The following SMAP1 variants were observed in gnomAD, a reference collection of about 807,000 sequenced individuals.
SMAP1 encodes the protein small ArfGAP 1, also known as stromal membrane-associated protein 1.
In SMAP1, 24 loss-of-function variants were observed where a neutral mutation model predicts 58.5. That is an observed-to-expected ratio of 0.41 (90% CI 0.30 to 0.58). SMAP1 has a LOEUF of 0.58. Among genes scored for constraint, SMAP1 ranks in the 20% least tolerant of loss-of-function variants. SMAP1 has a pLI of 0.29. For synonymous variants in SMAP1, 216 were observed against 196.6 expected (o/e 1.10, Z -0.82); for missense variants, 563 against 566.3 (o/e 0.99, Z 0.06).
At chr6:70,717,218 G>T (rs921793943) in intron 1 of SMAP1, among the ~76,000 whole-genome samples, 2 of 152,192 alleles carry the variant, frequency 1.3e-5, no homozygotes, top group African/African-American at 4.8e-5. Context: ...GAAGCTGAGA[G>T]CCAGAGCTTA....
chr6:70,792,745 G>GCTC (rs1247370194), intron 5 of SMAP1, among the ~76,000 whole-genome samples: 1 of 152,040 alleles, frequency 6.6e-6, no homozygotes, highest in Non-Finnish European at 1.5e-5. Flanking sequence ...GAACGGCAAG[G>GCTC]CTCCTATCTT....
chr6:70,837,427 A>T (rs907363509), intron 7 of SMAP1, among the ~76,000 whole-genome samples: 3 of 152,114 alleles, frequency 2.0e-5, no homozygotes, highest in Non-Finnish European at 4.4e-5. Context: ...ATTGTAAAAT[A>T]CGTTGGTTTA....
intron 1 of SMAP1, among the ~76,000 whole-genome samples, chr6:70,723,698 C>G (rs1370379971): frequency 6.6e-6 from 1 of 152,098 alleles, no homozygotes; most frequent in Admixed American, 6.5e-5. Context: ...CTACTATATC[C>G]CCAGAGCCCT....
chr6:70,777,232 C>G (rs1427034132), intron 4 of SMAP1, among the ~76,000 whole-genome samples: 4 of 152,122 alleles, frequency 2.6e-5, no homozygotes, highest in Non-Finnish European at 5.9e-5. Flanking sequence ...CTGTCTGGCA[C>G]TCCCTAGTGA....
At chr6:70,759,701 T>C (rs1582128849) in intron 3 of SMAP1, 1 of 264,168 alleles carries the variant, frequency 3.8e-6, no homozygotes, top group East Asian at 8.5e-5. Context: ...ATTGCATTAT[T>C]AGTTCTGTTA....
chr6:70,694,683 C>T (rs947513527), intron 1 of SMAP1: 2 of 152,358 alleles, frequency 1.3e-5, no homozygotes, highest in African/African-American at 4.8e-5. Context: ...CACAAGCTGC[C>T]ATAGAGAATT....
At chr6:70,668,948 A>G (rs1186131950) in intron 1 of SMAP1, among the ~76,000 whole-genome samples, 1 of 152,154 alleles carries the variant, frequency 6.6e-6, no homozygotes, top group African/African-American at 2.4e-5. Flanking sequence ...CTGAAGGTTC[A>G]TTTTAAAGAT....
At chr6:70,729,527 C>T (rs1488592960) in intron 1 of SMAP1, among the ~76,000 whole-genome samples, 1 of 143,028 alleles carries the variant, frequency 7.0e-6, no homozygotes, top group Non-Finnish European at 1.5e-5. Context: ...AACTTTAGTC[C>T]TATATTCTAA....
chr6:70,675,153 A>G (rs999041024), intron 1 of SMAP1, among the ~76,000 whole-genome samples: 4 of 150,774 alleles, frequency 2.7e-5, no homozygotes, highest in African/African-American at 9.7e-5. Context: ...AAAAAAAAAA[A>G]AAAGCAAATA....
intron 1 of SMAP1, among the ~76,000 whole-genome samples, chr6:70,721,264 TCCG>T (rs936132988): frequency 1.6e-4 from 24 of 152,202 alleles, no homozygotes; most frequent in Non-Finnish European, 2.8e-4. Context: ...AGAAATTTTT[TCCG>T]CCAGATACCC....
chr6:70,735,378 G>C (rs1765580527), intron 2 of SMAP1, among the ~76,000 whole-genome samples: 1 of 152,194 alleles, frequency 6.6e-6, no homozygotes, highest in Non-Finnish European at 1.5e-5. Context: ...TTTGGAGGCT[G>C]TTCCTATTAA....
At chr6:70,704,543 G>T (rs1767761644) in intron 1 of SMAP1, among the ~76,000 whole-genome samples, 1 of 151,986 alleles carries the variant, frequency 6.6e-6, no homozygotes, top group African/African-American at 2.4e-5. Context: ...TTCATAGAAT[G>T]GTGAAAACAT....
intron 7 of SMAP1, among the ~76,000 whole-genome samples, chr6:70,846,992 G>T (rs730649): frequency 0.024 from 3,580 of 152,236 alleles, 52 homozygotes; most frequent in Non-Finnish European, 0.037. Flanking sequence ...AATATTAGTG[G>T]TTAAACTTGT....
chr6:70,859,380 T>C (rs1296751715), intron 10 of SMAP1: 4 of 1,549,558 alleles, frequency 2.6e-6, no homozygotes, highest in African/African-American at 2.7e-5. Flanking sequence ...TGCAATCTAC[T>C]GGCCAATGAC....
At chr6:70,812,043 G>A (rs571595340) in intron 6 of SMAP1, among the ~76,000 whole-genome samples, 1 of 152,292 alleles carries the variant, frequency 6.6e-6, no homozygotes, top group East Asian at 1.9e-4. Context: ...ACTCAGAACC[G>A]TGTGTAATTT....
At position 70,668,254 on chromosome 6, in the gene SMAP1, T is replaced by G. The variant is rs1766114577; in HGVS notation, c.118+113T>G. On this transcript the variant is annotated intron_variant, in intron 1 of 10. Transcript: ENST00000370455. ...CGCCTCGGCTTCGCTGGCCGGCTCC[T>G]GCCCTGACTGGAGGGCGGGTGGCTG... 1.7e-5 allele frequency: 17 copies of G among 980,054 alleles called. No individual in the cohort carries two copies. In the South Asian group the frequency reaches 2.8e-4, roughly 16 times the overall value. 60.7% of individuals were successfully genotyped at this position (980,054 alleles called of 1,614,324 possible). A position where few individuals can be genotyped will look rare whatever the true frequency, so the allele number is the denominator to read the frequency against.
chr6:70,805,220 A>G (rs928887060), intron 6 of SMAP1, among the ~76,000 whole-genome samples: 1 of 151,428 alleles, frequency 6.6e-6, no homozygotes, highest in African/African-American at 2.4e-5. Flanking sequence ...TTTTTCTCTA[A>G]TCTTGTCTTC....
intron 10 of SMAP1, 151 bp downstream of exon 10, chr6:70,858,380 T>A: frequency 1.6e-6 from 1 of 625,738 alleles, no homozygotes; most frequent in Non-Finnish European, 2.5e-6. Flanking sequence ...AAAGTATCTA[T>A]AAATATTATG....
Position 70,702,163 on chromosome 6 carries a change from C to T in SMAP1, c.119-30215C>T, listed in dbSNP as rs77509648. Among the ~76,000 whole-genome samples, 1,566 of 152,090 alleles carry T rather than the reference C, an allele frequency of 0.01. 105 individuals are homozygous for T. In the East Asian group the frequency reaches 0.16, roughly 15 times the overall value. On this transcript the variant is annotated intron_variant, in intron 1 of 10. Coordinates refer to ENST00000370455, the MANE Select transcript of SMAP1 (RefSeq NM_001044305.3). ...TTTTCTGTTTATCCTTAGTTTTAAT[C>T]AGTTTGATTATGAATTGTCTTTTGG...
Sources: gnomAD v4.1 joint callset for allele counts (sites outside exome capture counted in the v4.1 genomes callset) on GRCh38, gnomAD v4.1.1 for gene constraint, MANE v1.5 for transcripts, NCBI Gene and HGNC (gene_info 2026-07-23, HGNC 2026-07-21) for gene names.